Variants in NKAIN3 observed in about 807,000 individuals in gnomAD.
NKAIN3 encodes sodium/potassium-transporting ATPase subunit beta-1-interacting protein 3.
In NKAIN3, 25 loss-of-function variants were observed where a neutral mutation model predicts 30.2. The observed-to-expected ratio is 0.83, with a 90% CI of 0.60 to 1.16. The LOEUF is 1.16. Among genes scored for constraint, NKAIN3 ranks in the 50% most tolerant of loss-of-function variants. The pLI is 0.00. For missense variants in NKAIN3, 225 were observed against 254.1 expected (o/e 0.89, Z 0.78); for synonymous variants, 91 against 89.6 (o/e 1.02, Z -0.09).
chr8:62,500,884 T>C (rs1807427536), intron 1 of NKAIN3, among the ~76,000 whole-genome samples: 1 of 152,284 alleles, frequency 6.6e-6, no homozygotes, highest in Non-Finnish European at 1.5e-5. Context: ...GTGATGATCC[T>C]GGCCCAATGT....
intron 3 of NKAIN3, among the ~76,000 whole-genome samples, chr8:62,683,373 C>T (rs1813704565): frequency 6.6e-6 from 1 of 152,078 alleles, no homozygotes; most frequent in South Asian, 2.1e-4. Context: ...TGTTGCTTCA[C>T]AATGCAGTTG....
intron 3 of NKAIN3, among the ~76,000 whole-genome samples, chr8:62,619,912 A>G (rs1211439376): frequency 1.3e-5 from 2 of 152,170 alleles, no homozygotes; most frequent in Non-Finnish European, 2.9e-5. Context: ...AATATGCTAT[A>G]TACTGTAAGG....
chr8:62,477,853 G>C (rs962269390), intron 1 of NKAIN3, among the ~76,000 whole-genome samples: 1 of 152,084 alleles, frequency 6.6e-6, no homozygotes, highest in Non-Finnish European at 1.5e-5. Context: ...ACAGTGAGGG[G>C]ATTAGAACAA....
intron 1 of NKAIN3, among the ~76,000 whole-genome samples, chr8:62,295,999 A>G (rs1813815910): frequency 6.6e-6 from 1 of 152,206 alleles, no homozygotes; most frequent in African/African-American, 2.4e-5. Flanking sequence ...AAGCTAGTCC[A>G]TATTTTTGTT....
At chr8:62,779,026 G>C (rs1222183617) in intron 4 of NKAIN3, among the ~76,000 whole-genome samples, 1 of 151,960 alleles carries the variant, frequency 6.6e-6, no homozygotes. Context: ...GCCTGGAATG[G>C]GGGCCTCAGG....
chr8:62,839,423 A>G (rs1026141882), intron 4 of NKAIN3, among the ~76,000 whole-genome samples: 1 of 152,074 alleles, frequency 6.6e-6, no homozygotes, highest in Non-Finnish European at 1.5e-5. Flanking sequence ...TAGAAAAAAA[A>G]CAAAACATAC....
intron 4 of NKAIN3, among the ~76,000 whole-genome samples, chr8:62,875,167 C>A (rs1004369410): frequency 3.8e-4 from 58 of 152,062 alleles, no homozygotes; most frequent in African/African-American, 1.1e-3. Context: ...CACAACCATT[C>A]CTATACACCA....
At chr8:62,256,366 C>T (rs1443823986) in intron 1 of NKAIN3, among the ~76,000 whole-genome samples, 1 of 152,172 alleles carries the variant, frequency 6.6e-6, no homozygotes, top group Non-Finnish European at 1.5e-5. Flanking sequence ...CTGCAATGAG[C>T]TATGATCATG....
chr8:62,490,682 G>T (rs1236424658), intron 1 of NKAIN3, among the ~76,000 whole-genome samples: 1 of 152,112 alleles, frequency 6.6e-6, no homozygotes, highest in East Asian at 1.9e-4. Flanking sequence ...TAAAGTGTAA[G>T]ATTGATTCAT....
intron 1 of NKAIN3, among the ~76,000 whole-genome samples, chr8:62,413,231 T>C (rs988068963): frequency 6.6e-6 from 1 of 152,162 alleles, no homozygotes; most frequent in African/African-American, 2.4e-5. Context: ...GGAAAGCAGT[T>C]TGGAGATTTT....
intron 3 of NKAIN3, among the ~76,000 whole-genome samples, chr8:62,744,078 T>C (rs1170643574): frequency 6.6e-6 from 1 of 152,134 alleles, no homozygotes; most frequent in Non-Finnish European, 1.5e-5. Context: ...GAATACTAAT[T>C]TCTATGGCCT....
intron 1 of NKAIN3, among the ~76,000 whole-genome samples, chr8:62,342,579 C>T (rs958313906): frequency 2.0e-5 from 3 of 152,026 alleles, no homozygotes; most frequent in Non-Finnish European, 4.4e-5. Flanking sequence ...GTTGCCTTTC[C>T]AGTGTGGAAG....
At chr8:62,871,967 G>A (rs796380390) in intron 4 of NKAIN3, among the ~76,000 whole-genome samples, 15 of 152,294 alleles carry the variant, frequency 9.8e-5, no homozygotes, top group African/African-American at 3.4e-4. Flanking sequence ...GGACATTTTG[G>A]TTAATGACAA....
intron 5 of NKAIN3, among the ~76,000 whole-genome samples, chr8:62,920,908 C>G (rs771395339): frequency 1.3e-5 from 2 of 152,122 alleles, no homozygotes; most frequent in Non-Finnish European, 2.9e-5. Flanking sequence ...TTTGATAGTT[C>G]TCAAATGAGG....
Position 62,872,622 on chromosome 8 carries a change from T to G in NKAIN3, c.472-45831T>G, listed in dbSNP as rs549930217. 3.3e-5 allele frequency among the ~76,000 whole-genome samples: 5 copies of G among 152,288 alleles called. No individual in the cohort carries two copies. In the East Asian group the frequency reaches 9.6e-4, roughly 29 times the overall value. On this transcript the variant is annotated intron_variant, in intron 4 of 6. Coordinates refer to ENST00000623646, the MANE Select transcript of NKAIN3 (RefSeq NM_001304533.3). The stretch of plus-strand genomic sequence containing the variant: ...GTGTGATTTTGTTTTTTTAAATGAA[T>G]AAGAAAGACACAACTCTGCCAAATG...
intron 4 of NKAIN3, among the ~76,000 whole-genome samples, chr8:62,824,174 C>T (rs1419749785): frequency 6.6e-6 from 1 of 152,118 alleles, no homozygotes; most frequent in Non-Finnish European, 1.5e-5. Flanking sequence ...GAGGACATGA[C>T]ATTGGGTCAG....
rs753025177 is a variant in NKAIN3 at position 62,479,605 on chromosome 8, G to A, written c.55-99934G>A. Among the ~76,000 whole-genome samples the A allele has an allele frequency of 7.2e-4, 109 of 152,144 alleles. 1 individual carries two copies. The highest frequency in any genetic ancestry group is 1.3e-4 in the Non-Finnish European group (9 of 68,024). On this transcript the variant is annotated intron_variant, in intron 1 of 6. Coordinates refer to ENST00000623646, the MANE Select transcript of NKAIN3 (RefSeq NM_001304533.3). The stretch of plus-strand genomic sequence containing the variant: ...ATAAAAGATCAGTTTTGGTTTCTGA[G>A]GGCAGAGGGGTGTCATATAGGGACT...
At chr8:62,431,402 ATAG>A (rs1563396154) in intron 1 of NKAIN3, among the ~76,000 whole-genome samples, 1 of 151,896 alleles carries the variant, frequency 6.6e-6, no homozygotes, top group East Asian at 1.9e-4. Context: ...ATAAACATAT[ATAG>A]CAATTTTTTT....
At chr8:62,467,957 G>C (rs927641636) in intron 1 of NKAIN3, among the ~76,000 whole-genome samples, 1 of 152,032 alleles carries the variant, frequency 6.6e-6, no homozygotes, top group Admixed American at 6.6e-5. Context: ...TTTTTTGTTA[G>C]AGAGGGGGTT....
Sources: gnomAD v4.1 joint callset for allele counts (sites outside exome capture counted in the v4.1 genomes callset) on GRCh38, gnomAD v4.1.1 for gene constraint, MANE v1.5 for transcripts, NCBI Gene and HGNC (gene_info 2026-07-23, HGNC 2026-07-21) for gene names.